Variants in WARS1 observed in about 807,000 individuals in gnomAD.
WARS1 encodes tryptophan--tRNA ligase, cytoplasmic.
WARS1 carries 17 observed loss-of-function variants against 47.8 expected under a neutral mutation model. That is an observed-to-expected ratio of 0.36 (90% CI 0.24 to 0.53). The LOEUF is 0.53. Ranked by LOEUF, WARS1 falls within the 20% of genes least tolerant of loss-of-function variation. The probability of loss-of-function intolerance (pLI) is 0.91; values close to 1 mark genes in which losing one functional copy is unlikely to be tolerated. For missense variants in WARS1, 434 were observed against 608.0 expected, an observed-to-expected ratio of 0.71 and a Z score of 3.01; for synonymous variants, 208 against 228.1, an observed-to-expected ratio of 0.91 and a Z score of 0.79.
At chr14:100,371,447 C>CAAAAAAAAAAAAAAAAAAACAAAAAA in intron 1 of WARS1, among the ~76,000 whole-genome samples, 1 of 89,102 alleles carries the variant, frequency 1.1e-5, no homozygotes, top group Non-Finnish European at 2.9e-5. Flanking sequence ...GGTTCTGTCT[C>CAAAAAAAAAAAAAAAAAAACAAAAAA]AAAAAAAAAA....
At position 100,352,180 on chromosome 14, in the gene WARS1, C is replaced by T. The variant is rs189592452; in HGVS notation, c.725+1507G>A. Among the ~76,000 whole-genome samples, 66 of 129,506 alleles carry T rather than the reference C, an allele frequency of 5.1e-4. 1 individual carries two copies. In the East Asian group the frequency reaches 9.0e-3, roughly 18 times the overall value. 85.0% of individuals were successfully genotyped at this position (129,506 alleles called of 152,430 possible). On this transcript the variant is annotated intron_variant, in intron 6 of 10. Coordinates refer to ENST00000392882, the MANE Select transcript of WARS1 (RefSeq NM_004184.4). ...AGGCTGGAATGCAGTGGCATGATCTCGGCTCACTGCAACCTCCGCCTCCCA... is the reference window on the plus strand; with the variant it reads ...AGGCTGGAATGCAGTGGCATGATCTTGGCTCACTGCAACCTCCGCCTCCCA...
chr14:100,361,590 C>T, intron 3 of WARS1, 118 bp downstream of exon 3: 1 of 1,013,668 alleles, frequency 9.9e-7, no homozygotes, highest in South Asian at 1.7e-5. Flanking sequence ...TTTTTCTTGG[C>T]ATTGAAGCTT....
rs569362953 is a variant in WARS1, at chr14:100,335,518, C to T, written c.1255-482G>A. Among the ~76,000 whole-genome samples, 33 of 152,186 alleles carry T rather than the reference C, an allele frequency of 2.2e-4. No homozygotes were observed. The East Asian group carries it at 6.4e-3, about 29-fold the overall frequency. ...TCAGCCTCCTGAGTAGCTGGGATTA[C>T]AGGTGCCTGCCACCACGCCTGGCTA... On this transcript the variant is annotated intron_variant, in intron 10 of 10. Transcript: ENST00000392882.
At chr14:100,370,474 T>C (rs1486670652) in intron 1 of WARS1, 1 of 152,216 alleles carries the variant, frequency 6.6e-6, no homozygotes, top group Non-Finnish European at 1.5e-5. Context: ...CTTGTGTTTC[T>C]TAGGATTCCA....
At position 100,346,806 on chromosome 14, in the gene WARS1, T is replaced by TTTGA; in HGVS notation, c.762_765dup (p.Lys256SerfsTer17). The TTTGA allele has an allele frequency of 6.2e-7, 1 of 1,614,098 alleles. No homozygotes were observed. The highest frequency in any genetic ancestry group is 8.5e-7 in the Non-Finnish European group (1 of 1,179,944). On this transcript the variant is annotated frameshift_variant, in exon 7 of 11. Transcript: ENST00000392882. LOFTEE classifies it high-confidence loss of function. ...TTCACTTGGTTGAAGGTAACATGCT[T>TTTGA]TTGAATCTTCACCACATTTTTGTAG...
intron 6 of WARS1, among the ~76,000 whole-genome samples, chr14:100,350,138 C>T (rs927009328): frequency 4.6e-5 from 7 of 150,924 alleles, no homozygotes; most frequent in Non-Finnish European, 8.8e-5. Context: ...CAGTGGCTCA[C>T]GCATCCCAGC....
At chr14:100,336,476 G>A (rs1262645238) in intron 10 of WARS1, among the ~76,000 whole-genome samples, 2 of 152,032 alleles carry the variant, frequency 1.3e-5, no homozygotes, top group Non-Finnish European at 2.9e-5. Context: ...CTAATTTAAC[G>A]TTTCCTCTGT....
intron 6 of WARS1, among the ~76,000 whole-genome samples, chr14:100,351,867 C>T (rs906751312): frequency 1.3e-5 from 2 of 151,882 alleles, no homozygotes; most frequent in Admixed American, 6.6e-5. Flanking sequence ...GTGGCGGGCA[C>T]CTGTAGTCCC....
At chr14:100,339,124 T>TACAC (rs796168229) in intron 9 of WARS1, among the ~76,000 whole-genome samples, 3,959 of 144,402 alleles carry the variant, frequency 0.027, 186 homozygotes, top group African/African-American at 0.098. Flanking sequence ...CACACACACA[T>TACAC]ACACACACAC....
At position 100,369,247 on chromosome 14, in the gene WARS1, G is replaced by A; in HGVS notation, c.-62C>T. 1.6e-6 allele frequency: 1 copy of A among 641,616 alleles called. No homozygotes were observed. Among genetic ancestry groups the A allele is most frequent in the South Asian group, 3.8e-5 (1 of 25,988 alleles). 39.7% of individuals were successfully genotyped at this position (641,616 alleles called of 1,614,324 possible). On this transcript the variant is annotated 5_prime_UTR_variant, in exon 2 of 11. Coordinates refer to ENST00000392882, the MANE Select transcript of WARS1 (RefSeq NM_004184.4). ...CTGAGGTCAGAGGATTTGTTCAGCA[G>A]ACGAGTCAAGACTGGGGTGGGGGCG...
At chr14:100,349,694 A>G (rs987060517) in intron 6 of WARS1, among the ~76,000 whole-genome samples, 2 of 152,226 alleles carry the variant, frequency 1.3e-5, no homozygotes, top group African/African-American at 4.8e-5. Flanking sequence ...TCAGACTCCC[A>G]GCTCAGTGCC....
chr14:100,335,078 G>A (rs1893623447), intron 10 of WARS1, 42 bp from the exon 11 acceptor site: 1 of 1,596,788 alleles, frequency 6.3e-7, no homozygotes, highest in African/African-American at 1.3e-5. Context: ...GGCTCCACAT[G>A]TCCTGAGTGG....
At chr14:100,366,631 C>T in intron 2 of WARS1, 1 of 757,242 alleles carries the variant, frequency 1.3e-6, no homozygotes, top group South Asian at 1.4e-5. Context: ...CAGACATGGC[C>T]CATGGACATG....
At chr14:100,349,840 T>A (rs1469234087) in intron 6 of WARS1, among the ~76,000 whole-genome samples, 2 of 152,244 alleles carry the variant, frequency 1.3e-5, no homozygotes, top group Non-Finnish European at 2.9e-5. Flanking sequence ...TGGCTGGCTT[T>A]GTTGAATTTC....
chr14:100,337,015 A>T, intron 10 of WARS1, 47 bp downstream of exon 10: 1 of 1,597,672 alleles, frequency 6.3e-7, no homozygotes, highest in Non-Finnish European at 8.6e-7. Flanking sequence ...CATGGGCAGG[A>T]GTGGGTGGCA....
At chr14:100,367,050 A>G (rs1164095302) in intron 2 of WARS1, 9 of 701,490 alleles carry the variant, frequency 1.3e-5, no homozygotes, top group Non-Finnish European at 2.0e-5. Flanking sequence ...AATAAGATTA[A>G]AAAAAAAAAT....
In WARS1 at chr14:100,369,270, G is replaced by T; in HGVS notation, c.-73-12C>A. 1 of 738,280 alleles carries T rather than the reference G, an allele frequency of 1.4e-6. No individual in the cohort carries two copies. The highest frequency in any genetic ancestry group is 4.5e-5 in the East Asian group (1 of 22,104). The allele number at this position is 738,280 out of a possible 1,614,324, so 45.7% of individuals were successfully genotyped here. On this transcript the variant is annotated splice_polypyrimidine_tract_variant and intron_variant, in intron 1 of 10. Coordinates refer to ENST00000392882, the MANE Select transcript of WARS1 (RefSeq NM_004184.4). ...CAGACGAGTCAAGACTGGGGTGGGG[G>T]CGGGGAAGGAGAGAGAGGAAAAACC...
At chr14:100,369,692 T>C (rs1896224171) in intron 1 of WARS1, among the ~76,000 whole-genome samples, 1 of 152,030 alleles carries the variant, frequency 6.6e-6, no homozygotes, top group Non-Finnish European at 1.5e-5. Context: ...TTTTTTTTTT[T>C]TTTGAGATGG....
At chr14:100,337,343 G>T in intron 9 of WARS1, 141 bp from the exon 10 acceptor site, 1 of 1,278,058 alleles carries the variant, frequency 7.8e-7, no homozygotes, top group Non-Finnish European at 1.1e-6. Context: ...CGCACAGCCG[G>T]TTGGGGGCGC....
Sources: allele counts gnomAD v4.1 joint callset (sites outside exome capture counted in the v4.1 genomes callset), GRCh38; gene constraint gnomAD v4.1.1; transcripts MANE v1.5; gene names NCBI Gene and HGNC (gene_info 2026-07-23, HGNC 2026-07-21).